Variants in ERICH3 observed in about 807,000 individuals in gnomAD.
ERICH3 encodes glutamate rich 3.
Under a neutral mutation model 131.1 loss-of-function variants are expected in ERICH3, and 126 were observed. The ratio of observed to expected loss-of-function variants is 0.96; its 90% CI spans 0.83 to 1.11. The LOEUF (loss-of-function observed/expected upper bound fraction) is 1.11, where lower values mean the gene tolerates loss of function less well. ERICH3 is among the 50% of genes most tolerant of loss of function. The pLI is 0.00. For missense variants in ERICH3, 2,050 were observed against 1,810.7 expected (o/e 1.13, Z -2.40); for synonymous variants, 695 against 644.6 (o/e 1.08, Z -1.18).
At chr1:74,606,540 C>T (rs1648399540) in intron 10 of ERICH3, 61 bp downstream of exon 10, 2 of 1,493,926 alleles carry the variant, frequency 1.3e-6, no homozygotes, top group Non-Finnish European at 1.8e-6. Flanking sequence ...TTGATCATCA[C>T]ATTTCAAAGA....
chr1:74,673,413 C>T, intron 1 of ERICH3, 84 bp downstream of exon 1: 2 of 1,547,710 alleles, frequency 1.3e-6, no homozygotes, highest in East Asian at 2.3e-5. Context: ...TCGCCCCTTC[C>T]CTCCGCAGCA....
chr1:74,670,742 C>T (rs1646734594), intron 1 of ERICH3, among the ~76,000 whole-genome samples: 1 of 152,116 alleles, frequency 6.6e-6, no homozygotes, highest in South Asian at 2.1e-4. Flanking sequence ...TTTTAGGGAA[C>T]AAGGGAAGAC....
chr1:74,651,986 G>T (rs1009022853), intron 1 of ERICH3, among the ~76,000 whole-genome samples: 3 of 152,166 alleles, frequency 2.0e-5, no homozygotes, highest in Admixed American at 6.5e-5. Flanking sequence ...AGCAGGTCCA[G>T]TTGGGTTGAA....
chr1:74,579,912 G>A (rs1263603165), intron 12 of ERICH3: 2 of 978,462 alleles, frequency 2.0e-6, no homozygotes, highest in African/African-American at 3.6e-5. Flanking sequence ...TAGAAAGTCA[G>A]CTTTTTTTTT....
intron 8 of ERICH3, among the ~76,000 whole-genome samples, chr1:74,618,743 G>A (rs1649089359): frequency 6.6e-6 from 1 of 152,134 alleles, no homozygotes; most frequent in African/African-American, 2.4e-5. Context: ...GGGAATAAAG[G>A]ATGCACTTGC....
At chr1:74,616,165 C>CTA (rs1019841134) in intron 8 of ERICH3, among the ~76,000 whole-genome samples, 65 of 151,518 alleles carry the variant, frequency 4.3e-4, no homozygotes, top group African/African-American at 1.4e-3. Flanking sequence ...CCATGGCCAG[C>CTA]TATATATATA....
chr1:74,610,757 C>G (rs1648652787), intron 9 of ERICH3, among the ~76,000 whole-genome samples: 1 of 151,884 alleles, frequency 6.6e-6, no homozygotes, highest in Non-Finnish European at 1.5e-5. Flanking sequence ...TAAACCCACT[C>G]CAAGAAAGCT....
At chr1:74,610,784 CACTATA>C (rs1232386461) in intron 9 of ERICH3, among the ~76,000 whole-genome samples, 2 of 151,958 alleles carry the variant, frequency 1.3e-5, no homozygotes, top group African/African-American at 4.8e-5. Context: ...CCAACTGCTG[CACTATA>C]ACTCGTGCCA....
intron 1 of ERICH3, among the ~76,000 whole-genome samples, chr1:74,672,655 A>G (rs1646752457): frequency 6.6e-6 from 1 of 152,246 alleles, no homozygotes; most frequent in South Asian, 2.1e-4. Flanking sequence ...CTTCAATTTA[A>G]TTGCAAGATT....
intron 10 of ERICH3, among the ~76,000 whole-genome samples, chr1:74,605,330 T>C (rs1416813583): frequency 6.6e-6 from 1 of 151,918 alleles, no homozygotes; most frequent in Non-Finnish European, 1.5e-5. Context: ...ACTCTATATA[T>C]CAGCAATAAC....
intron 10 of ERICH3, among the ~76,000 whole-genome samples, chr1:74,601,611 A>C (rs1246953216): frequency 6.6e-6 from 1 of 151,846 alleles, no homozygotes; most frequent in South Asian, 2.1e-4. Context: ...CTCATGGAAG[A>C]CTTCCCAAAA....
At chr1:74,586,754 G>C (rs943450188) in intron 12 of ERICH3, among the ~76,000 whole-genome samples, 1 of 151,952 alleles carries the variant, frequency 6.6e-6, no homozygotes, top group Non-Finnish European at 1.5e-5. Context: ...ATAACACACA[G>C]AGATTAAATA....
chr1:74,672,889 CATGAGTAA>C (rs1646754770), intron 1 of ERICH3, among the ~76,000 whole-genome samples: 2 of 152,076 alleles, frequency 1.3e-5, no homozygotes, highest in South Asian at 4.1e-4. Flanking sequence ...AACTGAAGAT[CATGAGTAA>C]ATACACAGGC....
At chr1:74,661,457 G>A (rs532712780) in intron 1 of ERICH3, among the ~76,000 whole-genome samples, 2 of 152,058 alleles carry the variant, frequency 1.3e-5, no homozygotes, top group African/African-American at 4.8e-5. Flanking sequence ...GTCATGAATT[G>A]GTAGGTCAAT....
intron 1 of ERICH3, among the ~76,000 whole-genome samples, chr1:74,673,112 C>CA: frequency 6.6e-6 from 1 of 152,296 alleles, no homozygotes; most frequent in South Asian, 2.1e-4. Flanking sequence ...CTCTCATTCT[C>CA]AAATCTCCAA....
At chr1:74,646,091 A>AC (rs1646480126) in intron 3 of ERICH3, among the ~76,000 whole-genome samples, 1 of 152,058 alleles carries the variant, frequency 6.6e-6, no homozygotes, top group Non-Finnish European at 1.5e-5. Context: ...GTCAGATTAA[A>AC]AAAATATGTT....
chr1:74,599,560 A>T, intron 11 of ERICH3, 135 bp downstream of exon 11: 1 of 764,350 alleles, frequency 1.3e-6, no homozygotes, highest in Non-Finnish European at 2.1e-6. Context: ...CTTCACATGT[A>T]CCCCTTATTT....
In ERICH3 at chr1:74,672,860, G is replaced by A. The variant is rs1210219978; in HGVS notation, c.23+637C>T. Among the ~76,000 whole-genome samples, 4 of 151,934 alleles carry A rather than the reference G, an allele frequency of 2.6e-5. No homozygotes were observed. In the East Asian group the frequency reaches 7.7e-4, roughly 29 times the overall value. On this transcript the variant is annotated intron_variant, in intron 1 of 14. Coordinates refer to ENST00000326665, the MANE Select transcript of ERICH3 (RefSeq NM_001002912.5). Reference sequence around the variant, plus strand: ...AAATTGCCAAAATAGGTTATCTAAGGGGTTCACCTACCTAAAGCAACTGAA... The same window carrying A: ...AAATTGCCAAAATAGGTTATCTAAGAGGTTCACCTACCTAAAGCAACTGAA...
At chr1:74,629,634 C>T (rs544895440) in intron 7 of ERICH3, among the ~76,000 whole-genome samples, 5 of 152,304 alleles carry the variant, frequency 3.3e-5, no homozygotes, top group Admixed American at 3.3e-4. Flanking sequence ...GCTGGACATC[C>T]AGTGTCTGGC....
Sources: gnomAD v4.1 joint callset for allele counts (sites outside exome capture counted in the v4.1 genomes callset) on GRCh38, gnomAD v4.1.1 for gene constraint, MANE v1.5 for transcripts, NCBI Gene and HGNC (gene_info 2026-07-23, HGNC 2026-07-21) for gene names.